Variants in PGRMC2 observed in about 807,000 individuals in gnomAD.
The protein encoded by PGRMC2 is progesterone receptor membrane component 2.
Under a neutral mutation model 19.3 loss-of-function variants are expected in PGRMC2, and 9 were observed. The ratio of observed to expected loss-of-function variants is 0.47; its 90% confidence interval spans 0.28 to 0.81. PGRMC2 has a LOEUF of 0.81. PGRMC2 is among the 40% of genes least tolerant of loss of function. The pLI is 0.11. For synonymous variants in PGRMC2, 157 were observed against 124.6 expected, an observed-to-expected ratio of 1.26 and a Z score of -1.73; for missense variants, 289 against 297.3, an observed-to-expected ratio of 0.97 and a Z score of 0.21.
chr4:128,275,118 A>G (rs1236829107), intron 1 of PGRMC2, among the ~76,000 whole-genome samples: 4 of 152,238 alleles, frequency 2.6e-5, no homozygotes, highest in Non-Finnish European at 5.9e-5. Flanking sequence ...AAGGGAATGA[A>G]AATTTTAGAA....
At chr4:128,276,683 T>C (rs1410846332) in intron 1 of PGRMC2, among the ~76,000 whole-genome samples, 3 of 152,196 alleles carry the variant, frequency 2.0e-5, no homozygotes, top group Non-Finnish European at 2.9e-5. Flanking sequence ...TTAAGGCTCA[T>C]TTAGACACTA....
chr4:128,280,072 C>T (rs1760884187), intron 1 of PGRMC2, among the ~76,000 whole-genome samples: 1 of 150,992 alleles, frequency 6.6e-6, no homozygotes, highest in South Asian at 2.1e-4. Flanking sequence ...AGGAAATACT[C>T]CAAAATTAAA....
chr4:128,287,380 G>A lies in PGRMC2; in HGVS notation c.411C>T (p.Tyr137=). The A allele has an allele frequency of 6.3e-7, 1 of 1,599,960 alleles. No individual in the cohort carries two copies. Among genetic ancestry groups the A allele is most frequent in the East Asian group, 2.3e-5 (1 of 44,256 alleles). The change falls in exon 1 of 3, where the codon TAC becomes TAT. Residue 137 remains tyrosine (Y), a synonymous_variant. Transcript: ENST00000296425. ...VFDVTKGSKF[Y]GPAGPYGIFA... ...CCCCTTCCAACTCCTCACCCGGGCC[G>A]TAGAACTTGCTGCCTTTGGTCACGT...
intron 1 of PGRMC2, among the ~76,000 whole-genome samples, chr4:128,280,960 A>T (rs943709349): frequency 1.2e-4 from 19 of 152,228 alleles, no homozygotes; most frequent in African/African-American, 2.2e-4. Flanking sequence ...AAAATAAAAA[A>T]TTTTTTCCTG....
chr4:128,280,190 A>ATT (rs1760886414), intron 1 of PGRMC2, among the ~76,000 whole-genome samples: 1 of 152,072 alleles, frequency 6.6e-6, no homozygotes, highest in African/African-American at 2.4e-5. Context: ...GAAGCAGATT[A>ATT]AAGAACTAAA....
intron 1 of PGRMC2, among the ~76,000 whole-genome samples, chr4:128,283,719 G>A (rs1760942921): frequency 6.7e-6 from 1 of 150,070 alleles, no homozygotes; most frequent in Non-Finnish European, 1.5e-5. Context: ...GTGCAATGGC[G>A]AGATCTCAGC....
chr4:128,287,632 T>C lies in PGRMC2; in HGVS notation c.159A>G (p.Glu53=), dbSNP rs1023909488. 58 of 1,535,144 alleles carry C rather than the reference T, an allele frequency of 3.8e-5. No homozygotes were observed. Among genetic ancestry groups the C allele is most frequent in the Non-Finnish European group, 5.0e-5 (57 of 1,144,628 alleles). The change falls in exon 1 of 3, where the codon GAA becomes GAG. Residue 53 remains glutamate (E), a synonymous_variant. Coordinates refer to ENST00000296425, the MANE Select transcript of PGRMC2 (RefSeq NM_006320.6). ...CCACCAGCGCCACGTTCAGCAGCAT[T>C]TCCCCGCCCCCCGTCAGAAGCGCCA... ...AALALLTGGG[E]MLLNVALVAL...
At chr4:128,281,103 GATA>G (rs1323040669) in intron 1 of PGRMC2, among the ~76,000 whole-genome samples, 23 of 152,280 alleles carry the variant, frequency 1.5e-4, no homozygotes, top group Admixed American at 1.5e-3. Context: ...ATATTAAAAA[GATA>G]ATAATTTCAT....
In PGRMC2 at chr4:128,270,475, T is replaced by C. The variant is rs901704655; in HGVS notation, c.*841A>G. ...TACATTCTATATACACAGAATGATA[T>C]CAAGGTTTTATGGTCAACAGAATAT... is the stretch of plus-strand genomic sequence containing the variant. On this transcript the variant is annotated 3_prime_UTR_variant, in exon 3 of 3. Transcript: ENST00000296425. 6.5e-6 allele frequency: 1 copy of C among 152,674 alleles called. No homozygotes were observed. The allele number at this position is 152,674 out of a possible 1,614,324, so 9.5% of individuals were successfully genotyped here.
At chr4:128,279,664 CATAAA>C (rs1760874401) in intron 1 of PGRMC2, among the ~76,000 whole-genome samples, 2 of 152,084 alleles carry the variant, frequency 1.3e-5, no homozygotes, top group African/African-American at 4.8e-5. Context: ...ATGACTTATT[CATAAA>C]ATAGAATATT....
chr4:128,279,409 G>C (rs1760870287), intron 1 of PGRMC2, among the ~76,000 whole-genome samples: 1 of 152,116 alleles, frequency 6.6e-6, no homozygotes, highest in Non-Finnish European at 1.5e-5. Context: ...CCACGTTTTT[G>C]GCAAGAAGTG....
chr4:128,286,903 G>A (rs1760992071), intron 1 of PGRMC2: 1 of 393,438 alleles, frequency 2.5e-6, no homozygotes, highest in Non-Finnish European at 4.5e-6. Context: ...AGGGGGCAAG[G>A]AAAAGAAAAC....
intron 1 of PGRMC2, among the ~76,000 whole-genome samples, chr4:128,275,560 G>C (rs1760797253): frequency 6.6e-6 from 1 of 152,130 alleles, no homozygotes; most frequent in African/African-American, 2.4e-5. Context: ...GTTGACTCTT[G>C]AATAGAAAAG....
intron 1 of PGRMC2, 158 bp from the exon 2 acceptor site, chr4:128,272,675 T>C (rs1578881714): frequency 2.4e-6 from 1 of 415,314 alleles, no homozygotes; most frequent in East Asian, 3.6e-5. Context: ...GTACAGATAC[T>C]AGATGGAATA....
chr4:128,278,308 T>C (rs1486430288), intron 1 of PGRMC2, among the ~76,000 whole-genome samples: 1 of 152,234 alleles, frequency 6.6e-6, no homozygotes. Context: ...GATAACCTTC[T>C]GTTAAAAAAC....
Position 128,287,554 on chromosome 4 carries a change from A to AACCCCCCCCCCCC in PGRMC2, c.236_237insGGGGGGGGGGGGT (p.Leu80GlyfsTer74). ...CGCCCGCCCCGGCCCCGGCCCCCAG[A>AACCCCCCCCCCCC]CCCCGCCGCCCCCAGCGCACCCACA... On this transcript the variant is annotated frameshift_variant, in exon 1 of 3. Transcript: ENST00000296425. LOFTEE classifies it high-confidence loss of function. 6.5e-6 allele frequency: 6 copies of AACCCCCCCCCCCC among 924,838 alleles called. No homozygotes were observed. Among genetic ancestry groups the AACCCCCCCCCCCC allele is most frequent in the South Asian group, 3.0e-5 (2 of 67,126 alleles). 57.3% of individuals were successfully genotyped at this position (924,838 alleles called of 1,614,324 possible).
At chr4:128,272,875 A>C (rs1163552784) in intron 1 of PGRMC2, 5 of 167,528 alleles carry the variant, frequency 3.0e-5, no homozygotes, top group Non-Finnish European at 6.4e-5. Context: ...GAGGGGAAAT[A>C]ATGTTTACTG....
At position 128,287,715 on chromosome 4, in the gene PGRMC2, C is replaced by T. The variant is rs1026654012; in HGVS notation, c.76G>A (p.Glu26Lys). 3.3e-6 allele frequency: 5 copies of T among 1,503,900 alleles called. No individual in the cohort carries two copies. The highest frequency in any genetic ancestry group is 4.5e-6 in the Non-Finnish European group (5 of 1,114,846). 93.2% of individuals were successfully genotyped at this position (1,503,900 alleles called of 1,614,324 possible). A position where few individuals can be genotyped will look rare whatever the true frequency, so the allele number is the denominator to read the frequency against. ...GCCGCTCCCGCGTCGCCTGGACTCT[C>T]GCTGCCGCCGTCGTTGCTGCTCTCG... ...GSESSNDGGS[E>K]SPGDAGAAAE... The change falls in exon 1 of 3, where the codon GAG becomes AAG. Residue 26 changes from glutamate (E) to lysine (K), a missense_variant. Transcript: ENST00000296425.
At chr4:128,272,897 T>C (rs1760754714) in intron 1 of PGRMC2, 1 of 158,914 alleles carries the variant, frequency 6.3e-6, no homozygotes, top group African/African-American at 2.4e-5. Context: ...TTGCTGTTAA[T>C]AGTGGCATCA....
Sources: gnomAD v4.1 joint callset for allele counts (sites outside exome capture counted in the v4.1 genomes callset) on GRCh38, gnomAD v4.1.1 for gene constraint, MANE v1.5 for transcripts, NCBI Gene and HGNC (gene_info 2026-07-23, HGNC 2026-07-21) for gene names.